ZC3H12B: variants seen among roughly 807,000 people sequenced by gnomAD.
ZC3H12B encodes zinc finger CCCH-type containing 12B, also known as probable ribonuclease ZC3H12B.
Under a neutral mutation model 43.9 loss-of-function variants are expected in ZC3H12B, and 7 were observed. That is an observed-to-expected ratio of 0.16 (90% CI 0.09 to 0.30). The LOEUF is 0.30. Among genes scored for constraint, ZC3H12B ranks in the 10% least tolerant of loss-of-function variants. The pLI, the probability that ZC3H12B is intolerant of heterozygous loss-of-function variation, is 1.00. For missense variants in ZC3H12B, 475 were observed against 670.2 expected (o/e 0.71, Z 3.22); for synonymous variants, 222 against 241.7 (o/e 0.92, Z 0.76).
the ZC3H12B span, among the ~76,000 whole-genome samples, chrX:65,078,422 G>A: frequency 1.4e-4 from 16 of 112,082 alleles, no homozygotes; most frequent in Non-Finnish European, 2.6e-4. Context: ...GAGTGAAGGA[G>A]ATGAGAATGA....
At chrX:65,226,975 A>G in the ZC3H12B span, among the ~76,000 whole-genome samples, 1 of 111,185 alleles carries the variant, frequency 9.0e-6, no homozygotes, top group Non-Finnish European at 1.9e-5. Flanking sequence ...CAGATCAACG[A>G]GACAGAAAGT....
chrX:65,213,799 C>A, the ZC3H12B span, among the ~76,000 whole-genome samples: 6 of 108,595 alleles, frequency 5.5e-5, no homozygotes, highest in Non-Finnish European at 1.9e-5. Context: ...ACAGGCATAC[C>A]TTAGGGATAT....
intron 3 of ZC3H12B, among the ~76,000 whole-genome samples, chrX:65,443,963 C>T (rs544384358): frequency 1.6e-3 from 184 of 112,190 alleles, no homozygotes; most frequent in African/African-American, 5.8e-3. Flanking sequence ...TATTGAGCCA[C>T]TCTATGTATG....
chrX:65,065,724 C>T, the ZC3H12B span, among the ~76,000 whole-genome samples: 1 of 111,337 alleles, frequency 9.0e-6, no homozygotes, highest in African/African-American at 3.3e-5. Context: ...TGGATAATAT[C>T]TTGAAGTGTA....
At chrX:65,212,981 T>G in the ZC3H12B span, among the ~76,000 whole-genome samples, 1 of 107,906 alleles carries the variant, frequency 9.3e-6, no homozygotes, top group East Asian at 2.8e-4. Flanking sequence ...AATGCCATTA[T>G]TTGTTTTTGT....
At chrX:65,099,825 T>C in the ZC3H12B span, among the ~76,000 whole-genome samples, 1 of 111,121 alleles carries the variant, frequency 9.0e-6, no homozygotes, top group Non-Finnish European at 1.9e-5. Flanking sequence ...AAGCCTCATC[T>C]CCTCCAAATG....
the ZC3H12B span, among the ~76,000 whole-genome samples, chrX:65,097,980 A>G: frequency 9.0e-6 from 1 of 111,489 alleles, no homozygotes; most frequent in Non-Finnish European, 1.9e-5. Flanking sequence ...ATATGACTTC[A>G]TTAAAGAGCT....
intron 3 of ZC3H12B, among the ~76,000 whole-genome samples, chrX:65,456,186 C>T (rs2067606231): frequency 9.0e-6 from 1 of 111,198 alleles, no homozygotes; most frequent in East Asian, 2.8e-4. Flanking sequence ...GACTGGCAAA[C>T]TGGATAAAGA....
chrX:65,074,500 T>G, the ZC3H12B span, among the ~76,000 whole-genome samples: 1 of 111,942 alleles, frequency 8.9e-6, no homozygotes, highest in Admixed American at 9.5e-5. Context: ...TGAGTCTAGA[T>G]GTTCATATTC....
intron 2 of ZC3H12B, among the ~76,000 whole-genome samples, chrX:65,375,464 G>T (rs1290744742): frequency 8.9e-6 from 1 of 112,279 alleles, no homozygotes; most frequent in Non-Finnish European, 1.9e-5. Context: ...CAGCCATAGT[G>T]GCTAAGGGAG....
At chrX:65,100,521 C>T in the ZC3H12B span, among the ~76,000 whole-genome samples, 1 of 69,129 alleles carries the variant, frequency 1.4e-5, no homozygotes, top group South Asian at 1.0e-3. Flanking sequence ...CATACATAGG[C>T]TCAAAATAAA....
At chrX:65,269,976 T>C in the ZC3H12B span, among the ~76,000 whole-genome samples, 1 of 111,761 alleles carries the variant, frequency 8.9e-6, no homozygotes, top group African/African-American at 3.3e-5. Context: ...AATATGTAGA[T>C]TTAAGGTAGT....
chrX:65,463,371 C>T (rs1365840476), intron 3 of ZC3H12B, among the ~76,000 whole-genome samples: 1 of 111,863 alleles, frequency 8.9e-6, no homozygotes, highest in Non-Finnish European at 1.9e-5. Flanking sequence ...TTCTACCCAC[C>T]CATGAGCATG....
At chrX:65,360,926 A>C in the ZC3H12B span, among the ~76,000 whole-genome samples, 3 of 111,917 alleles carry the variant, frequency 2.7e-5, no homozygotes, top group African/African-American at 9.7e-5. Context: ...GTAACATTAA[A>C]ATTTGTCACT....
At chrX:65,270,564 G>A in the ZC3H12B span, among the ~76,000 whole-genome samples, 1 of 110,891 alleles carries the variant, frequency 9.0e-6, no homozygotes, top group South Asian at 3.8e-4. Context: ...CTTCTGTGTA[G>A]TAAAGAGAAT....
the ZC3H12B span, among the ~76,000 whole-genome samples, chrX:65,142,612 C>G: frequency 6.2e-5 from 7 of 112,478 alleles, no homozygotes; most frequent in South Asian, 2.5e-3. Flanking sequence ...ATGCTATCTT[C>G]CAGAATTTTT....
chrX:65,326,426 G>A, the ZC3H12B span, among the ~76,000 whole-genome samples: 2 of 111,178 alleles, frequency 1.8e-5, no homozygotes, highest in African/African-American at 3.3e-5. Flanking sequence ...AATCCTGCAT[G>A]TTCTCACTTA....
the ZC3H12B span, among the ~76,000 whole-genome samples, chrX:65,150,306 A>G: frequency 1.8e-5 from 2 of 111,432 alleles, no homozygotes; most frequent in Non-Finnish European, 3.8e-5. Context: ...CAGCACCTAC[A>G]TCAAATGAAC....
At chrX:65,298,524 T>A in the ZC3H12B span, among the ~76,000 whole-genome samples, 1 of 111,154 alleles carries the variant, frequency 9.0e-6, no homozygotes, top group East Asian at 2.8e-4. Context: ...TTCAAGCCAT[T>A]ATGGAATATC....
Sources: allele counts gnomAD v4.1 joint callset (sites outside exome capture counted in the v4.1 genomes callset), GRCh38; gene constraint gnomAD v4.1.1; transcripts MANE v1.5; gene names NCBI Gene and HGNC (gene_info 2026-07-23, HGNC 2026-07-21).